RBFOX1: variants seen among roughly 807,000 people sequenced by gnomAD.
RBFOX1 encodes the protein RNA binding protein fox-1 homolog 1.
Under a neutral mutation model 57.7 loss-of-function variants are expected in RBFOX1, and 8 were observed. The observed-to-expected ratio is 0.14, with a 90% CI of 0.08 to 0.25. RBFOX1 has a LOEUF of 0.25. RBFOX1 is among the 10% of genes least tolerant of loss of function. RBFOX1 has a pLI of 1.00. For missense variants in RBFOX1, 611 were observed against 548.5 expected (o/e 1.11, Z -1.14); for synonymous variants, 326 against 222.4 (o/e 1.47, Z -4.15).
intron 4 of RBFOX1, among the ~76,000 whole-genome samples, chr16:7,423,299 G>A (rs2098562239): frequency 6.6e-6 from 1 of 151,760 alleles, no homozygotes; most frequent in Non-Finnish European, 1.5e-5. Context: ...AACTGATTAG[G>A]TATTTTCTCA....
intron 1 of RBFOX1, among the ~76,000 whole-genome samples, chr16:5,288,993 C>T (rs1197362350): frequency 1.3e-5 from 2 of 151,750 alleles, no homozygotes; most frequent in Non-Finnish European, 2.9e-5. Context: ...GGCATGGTGG[C>T]GCACGCCTGT....
chr16:6,232,311 A>G (rs9935258), intron 1 of RBFOX1, among the ~76,000 whole-genome samples: 3,309 of 152,282 alleles, frequency 0.022, 108 homozygotes, highest in African/African-American at 0.072. Flanking sequence ...CTTAAGGGCT[A>G]TTTATGGAAT....
intron 4 of RBFOX1, among the ~76,000 whole-genome samples, chr16:7,062,190 G>T (rs928285887): frequency 1.3e-5 from 2 of 151,602 alleles, no homozygotes; most frequent in Non-Finnish European, 2.9e-5. Flanking sequence ...ATGGTGGCGG[G>T]TGCCTGCAGT....
intron 3 of RBFOX1, among the ~76,000 whole-genome samples, chr16:6,932,837 T>A (rs1348255704): frequency 6.6e-6 from 1 of 152,206 alleles, no homozygotes; most frequent in African/African-American, 2.4e-5. Flanking sequence ...CCACTGTACA[T>A]CTCTAGAACA....
chr16:6,196,392 A>G (rs910291229), intron 1 of RBFOX1, among the ~76,000 whole-genome samples: 4 of 152,236 alleles, frequency 2.6e-5, no homozygotes, highest in South Asian at 2.1e-4. Context: ...GGATAACATT[A>G]TCTTTCAGAT....
At chr16:7,486,229 T>C (rs1026167403) in intron 4 of RBFOX1, among the ~76,000 whole-genome samples, 3 of 150,514 alleles carry the variant, frequency 2.0e-5, no homozygotes, top group Non-Finnish European at 4.4e-5. Flanking sequence ...TTCAAGTGAT[T>C]CTCCTGCCTC....
At chr16:6,666,429 A>G (rs1413994851) in intron 3 of RBFOX1, among the ~76,000 whole-genome samples, 1 of 150,978 alleles carries the variant, frequency 6.6e-6, no homozygotes, top group Non-Finnish European at 1.5e-5. Context: ...TAGCCATGCT[A>G]TTCGGGAAGC....
chr16:5,761,606 C>T (rs751152077), intron 3 of RBFOX1, among the ~76,000 whole-genome samples: 2 of 152,026 alleles, frequency 1.3e-5, no homozygotes, highest in African/African-American at 4.8e-5. Flanking sequence ...CATCAGATCT[C>T]GTGAGAACTC....
At chr16:6,334,083 A>G (rs2152811846) in intron 2 of RBFOX1, among the ~76,000 whole-genome samples, 1 of 152,298 alleles carries the variant, frequency 6.6e-6, no homozygotes, top group African/African-American at 2.4e-5. Context: ...TCCTTGATTA[A>G]AGAAGGAAAT....
At chr16:6,874,597 G>A (rs1195705677) in intron 3 of RBFOX1, among the ~76,000 whole-genome samples, 2 of 149,622 alleles carry the variant, frequency 1.3e-5, no homozygotes, top group African/African-American at 2.5e-5. Flanking sequence ...TGTAAGTGAA[G>A]TAACTCAGGA....
At chr16:6,557,839 T>G (rs2097126522) in intron 2 of RBFOX1, among the ~76,000 whole-genome samples, 1 of 152,234 alleles carries the variant, frequency 6.6e-6, no homozygotes, top group Non-Finnish European at 1.5e-5. Flanking sequence ...ATTTGTAGGC[T>G]AATTTATTGG....
At chr16:6,582,286 G>A (rs951490114) in intron 2 of RBFOX1, among the ~76,000 whole-genome samples, 19 of 152,000 alleles carry the variant, frequency 1.3e-4, no homozygotes, top group African/African-American at 3.9e-4. Context: ...AGTAATCATC[G>A]CATAAACTTG....
At chr16:5,352,453 C>T (rs952847431) in intron 1 of RBFOX1, among the ~76,000 whole-genome samples, 1 of 152,210 alleles carries the variant, frequency 6.6e-6, no homozygotes, top group Non-Finnish European at 1.5e-5. Flanking sequence ...GGTTGTCAAA[C>T]ATTTTCTTTC....
intron 5 of RBFOX1, among the ~76,000 whole-genome samples, chr16:7,525,814 C>T (rs1183304837): frequency 6.6e-6 from 1 of 152,134 alleles, no homozygotes; most frequent in African/African-American, 2.4e-5. Context: ...TAGAATCCCA[C>T]CAATAAAGGG....
rs550310694 is a variant in RBFOX1 at position 5,614,377 on chromosome 16, C to T, written c.318+15416C>T. Among the ~76,000 whole-genome samples the T allele has an allele frequency of 8.5e-5, 13 of 152,286 alleles. No homozygotes were observed. The South Asian group carries it at 2.7e-3, about 32-fold the overall frequency. ...TGCAACTTTCATCTCTGGTTATCCT[C>T]CCTGAGTCCATGGGGATTTCATAAA... On this transcript the variant is annotated intron_variant, in intron 3 of 19. Coordinates refer to the RBFOX1 transcript ENST00000641259.
chr16:5,370,067 G>A (rs1896637282), intron 1 of RBFOX1, among the ~76,000 whole-genome samples: 1 of 152,052 alleles, frequency 6.6e-6, no homozygotes, highest in Non-Finnish European at 1.5e-5. Flanking sequence ...TATGTGCTGG[G>A]CACCATTCTC....
intron 10 of RBFOX1, among the ~76,000 whole-genome samples, chr16:7,610,496 T>C (rs1034568181): frequency 1.3e-5 from 2 of 152,150 alleles, no homozygotes; most frequent in African/African-American, 4.8e-5. Context: ...AATCATTCTG[T>C]ATGATTCCAG....
chr16:6,277,499 C>G (rs1234515087), intron 1 of RBFOX1, among the ~76,000 whole-genome samples: 1 of 143,078 alleles, frequency 7.0e-6, no homozygotes, highest in African/African-American at 2.6e-5. Context: ...TATCAGGACA[C>G]AGAGGCTCAC....
intron 4 of RBFOX1, among the ~76,000 whole-genome samples, chr16:7,413,224 A>C (rs978583193): frequency 6.6e-6 from 1 of 152,058 alleles, no homozygotes; most frequent in Non-Finnish European, 1.5e-5. Context: ...CCTTGACATC[A>C]CTACCCAGAA....
Sources: allele counts gnomAD v4.1 joint callset (sites outside exome capture counted in the v4.1 genomes callset), GRCh38; gene constraint gnomAD v4.1.1; transcripts MANE v1.5; gene names NCBI Gene and HGNC (gene_info 2026-07-23, HGNC 2026-07-21).